The following PTK2B variants were observed in gnomAD, a reference collection of about 807,000 sequenced individuals.
PTK2B encodes protein tyrosine kinase 2 beta, also known as protein-tyrosine kinase 2-beta.
In PTK2B, 71 loss-of-function variants were observed where a neutral mutation model predicts 142.9. The observed-to-expected ratio is 0.50, with a 90% confidence interval of 0.41 to 0.61. The LOEUF (loss-of-function observed/expected upper bound fraction) is 0.61, where lower values mean the gene tolerates loss of function less well. Ranked by LOEUF, PTK2B falls within the 20% of genes least tolerant of loss-of-function variation. The probability of loss-of-function intolerance (pLI) is 0.00; values close to 1 mark genes in which losing one functional copy is unlikely to be tolerated. For synonymous variants in PTK2B, 519 were observed against 503.4 expected, an observed-to-expected ratio of 1.03 and a Z score of -0.42; for missense variants, 1,105 against 1,320.4, an observed-to-expected ratio of 0.84 and a Z score of 2.53.
rs568743821 is a variant in PTK2B, at chr8:27,452,871, C to T, written c.2549-243C>T. 1.0e-4 allele frequency: 58 copies of T among 565,788 alleles called. No homozygotes were observed. In the African/African-American group the frequency reaches 1.0e-3, roughly 10 times the overall value. The allele number at this position is 565,788 out of a possible 1,614,324, so 35.0% of individuals were successfully genotyped here. A position where few individuals can be genotyped will look rare whatever the true frequency, so the allele number is the denominator to read the frequency against. ...CCAGAGCTGGGGCACCACTGCAATC[C>T]CCCCATCTTGCTGGGACTTTGCCTT... On this transcript the variant is annotated intron_variant, in intron 27 of 30. Transcript: ENST00000346049.
At position 27,400,859 on chromosome 8, in the gene PTK2B, A is replaced by T. The variant is rs75410862; in HGVS notation, c.204+3071A>T. 6.6e-3 allele frequency among the ~76,000 whole-genome samples: 1,000 copies of T among 152,328 alleles called. 12 individuals carry two copies. The highest frequency in any genetic ancestry group is 0.023 in the African/African-American group (964 of 41,568). On this transcript the variant is annotated intron_variant, in intron 2 of 30. Coordinates refer to ENST00000346049, the MANE Select transcript of PTK2B (RefSeq NM_173176.3). ...GACAAGATTCGGGTGTCATTATGCA[A>T]TGGATGCCATGCAAATGGGTAGGCT...
rs150448766 is a variant in PTK2B, at chr8:27,430,978, G to A, written c.772G>A (p.Ala258Thr). The A allele has an allele frequency of 8.4e-5, 136 of 1,613,972 alleles. No individual in the cohort carries two copies. Among genetic ancestry groups the A allele is most frequent in the Non-Finnish European group, 1.0e-4 (121 of 1,180,020 alleles). Residue 258 changes from alanine to threonine, a missense_variant, in exon 8 of 31, where the codon GCC (alanine) becomes ACC (threonine). Physicochemically the swap from Ala to Thr is moderately conservative, Grantham distance 58 (BLOSUM62 0). Transcript: ENST00000346049. ...MKFFNTLAGF[A>T]NIDQETYRCE... The stretch of plus-strand genomic sequence containing the variant: ...GTTCTTCAACACTCTCGCCGGCTTC[G>A]CCAACATCGACCAGGAGACCTACCG...
intron 1 of PTK2B, among the ~76,000 whole-genome samples, chr8:27,376,326 C>T (rs1669389964): frequency 6.6e-6 from 1 of 152,224 alleles, no homozygotes; most frequent in Non-Finnish European, 1.5e-5. Flanking sequence ...TCACTGGTGT[C>T]AGCAGATCTT....
At chr8:27,311,330 C>T (rs12679503), upstream of PTK2B, 9,023 of 1,372,824 alleles carry the variant, frequency 6.6e-3, 174 homozygotes, top group East Asian at 0.07. Context: ...CTGGGAATCG[C>T]CCAGTCCCTT....
At chr8:27,385,367 T>G (rs1807284944) in intron 1 of PTK2B, among the ~76,000 whole-genome samples, 1 of 152,220 alleles carries the variant, frequency 6.6e-6, no homozygotes, top group Non-Finnish European at 1.5e-5. Context: ...TGCCAGACAC[T>G]CTGGGCTCTT....
At chr8:27,420,348 G>T (rs1359084625) in intron 3 of PTK2B, among the ~76,000 whole-genome samples, 1 of 152,202 alleles carries the variant, frequency 6.6e-6, no homozygotes, top group Non-Finnish European at 1.5e-5. Context: ...CAGAAGGGTG[G>T]GGAGGATGGA....
intron 1 of PTK2B, among the ~76,000 whole-genome samples, chr8:27,341,102 A>C (rs1804371394): frequency 6.6e-6 from 1 of 152,176 alleles, no homozygotes; most frequent in Non-Finnish European, 1.5e-5. Context: ...GAGGATGTTC[A>C]GGAGTAGAAG....
chr8:27,386,029 A>T (rs1336791485), intron 1 of PTK2B, among the ~76,000 whole-genome samples: 1 of 152,242 alleles, frequency 6.6e-6, no homozygotes, highest in Non-Finnish European at 1.5e-5. Context: ...CAATATTATA[A>T]CTGATGTAAC....
At chr8:27,311,157 G>C (rs1413503544), upstream of PTK2B, 1 of 1,607,244 alleles carries the variant, frequency 6.2e-7, no homozygotes, top group African/African-American at 1.3e-5. Flanking sequence ...TCGCGGAAGG[G>C]GTCGTAGCAG....
intron 1 of PTK2B, among the ~76,000 whole-genome samples, chr8:27,331,869 C>T (rs942505862): frequency 1.3e-5 from 2 of 152,172 alleles, no homozygotes; most frequent in African/African-American, 2.4e-5. Flanking sequence ...AAGTGCTTTT[C>T]TATGTTCTCT....
chr8:27,425,001 C>T (rs1002247446), intron 5 of PTK2B, among the ~76,000 whole-genome samples: 11 of 152,210 alleles, frequency 7.2e-5, no homozygotes, highest in African/African-American at 1.9e-4. Context: ...GTCGATTACC[C>T]GCTCTCTGCC....
intron 5 of PTK2B, among the ~76,000 whole-genome samples, chr8:27,425,201 T>G (rs1275553952): frequency 6.6e-6 from 1 of 151,426 alleles, no homozygotes; most frequent in Non-Finnish European, 1.5e-5. Flanking sequence ...GTATATAATA[T>G]GTATGTTATG....
At position 27,430,911 on chromosome 8, in the gene PTK2B, C is replaced by A; in HGVS notation, c.705C>A (p.Phe235Leu). The A allele has an allele frequency of 6.2e-7, 1 of 1,614,190 alleles. No homozygotes were observed. The change falls in exon 8 of 31, where the codon TTC becomes TTA. Residue 235 changes from phenylalanine (F) to leucine (L), a missense_variant. Transcript: ENST00000346049. ...KQFRKMIQQT[F>L]QQYASLREEE... ...TCCGGAAGATGATCCAGCAGACCTT[C>A]CAGCAGTACGCCTCGCTCAGGGAGG...
At chr8:27,333,195 T>A (rs770771261) in intron 1 of PTK2B, among the ~76,000 whole-genome samples, 1 of 152,016 alleles carries the variant, frequency 6.6e-6, no homozygotes, top group Non-Finnish European at 1.5e-5. Flanking sequence ...TGGAGAGGTG[T>A]GGTTTGAGTG....
At chr8:27,456,502 C>G (rs565610369) in intron 30 of PTK2B, among the ~76,000 whole-genome samples, 1 of 152,290 alleles carries the variant, frequency 6.6e-6, no homozygotes, top group South Asian at 2.1e-4. Flanking sequence ...CTCCTCCGAC[C>G]ATGCATTTCC....
At chr8:27,420,109 G>T (rs1391167772) in intron 3 of PTK2B, 36 bp downstream of exon 3, 2 of 1,610,226 alleles carry the variant, frequency 1.2e-6, no homozygotes, top group Admixed American at 1.7e-5. Flanking sequence ...AAGTGGGAAG[G>T]AGAGGAATTT....
intron 15 of PTK2B, 84 bp downstream of exon 15, chr8:27,436,432 G>A: frequency 7.4e-7 from 1 of 1,357,454 alleles, no homozygotes; most frequent in Non-Finnish European, 1.0e-6. Context: ...GGTTGGAGTT[G>A]GCACAGCCTT....
In PTK2B at chr8:27,454,545, C is replaced by A. The variant is rs1812029210; in HGVS notation, c.2748C>A (p.Thr916=). The A allele has an allele frequency of 1.2e-6, 2 of 1,614,176 alleles. No individual in the cohort carries two copies. Among genetic ancestry groups the A allele is most frequent in the African/African-American group, 2.7e-5 (2 of 75,072 alleles). ...YVVVVKNVGL[T]LRKLIGSVDD... is the part of the protein sequence containing the mutation. ...TCTCCCCCCAGAATGTGGGGCTGAC[C>A]CTGCGGAAGCTCATCGGGAGCGTGG... The change falls in exon 30 of 31, where the codon ACC becomes ACA. Residue 916 remains threonine (T), a synonymous_variant. Transcript: ENST00000346049.
intron 1 of PTK2B, among the ~76,000 whole-genome samples, chr8:27,360,738 C>G (rs1175665898): frequency 6.6e-5 from 10 of 152,196 alleles, no homozygotes; most frequent in Admixed American, 3.3e-4. Context: ...ATGTGAAAGA[C>G]TTCTGTGCAA....
Sources: allele counts gnomAD v4.1 joint callset (sites outside exome capture counted in the v4.1 genomes callset), GRCh38; gene constraint gnomAD v4.1.1; transcripts MANE v1.5; gene names NCBI Gene and HGNC (gene_info 2026-07-23, HGNC 2026-07-21).